AMZ1: variants seen among roughly 807,000 people sequenced by gnomAD.
The protein encoded by AMZ1 is archaemetzincin-1.
AMZ1 carries 39 observed loss-of-function variants against 29.9 expected under a neutral mutation model. That is an observed-to-expected ratio of 1.30 (90% CI 1.01 to 1.70). AMZ1 has a LOEUF of 1.70. Among genes scored for constraint, AMZ1 ranks in the 40% most tolerant of loss-of-function variants. AMZ1 has a pLI of 0.00. For synonymous variants in AMZ1, 458 were observed against 304.0 expected (o/e 1.51, Z -5.27); for missense variants, 1,041 against 680.6 (o/e 1.53, Z -5.89).
rs1166750331 is a variant in AMZ1, at chr7:2,731,596, C to T, written n.550+21780C>T. ...GACCATGAACAGGATGGACGTGATCCCGTCGAAGCACTGGAACCACTTCTG... is the reference window on the plus strand; with the variant it reads ...GACCATGAACAGGATGGACGTGATCTCGTCGAAGCACTGGAACCACTTCTG... On this transcript the variant is annotated intron_variant and non_coding_transcript_variant, in intron 4 of 4. Coordinates refer to the AMZ1 transcript ENST00000489665. The surrounding 1 kb of genome is among the most constrained non-coding windows in gnomAD (Gnocchi z 6.0). 6.2e-7 allele frequency: 1 copy of T among 1,613,752 alleles called. No homozygotes were observed. Among genetic ancestry groups the T allele is most frequent in the Non-Finnish European group, 8.5e-7 (1 of 1,179,822 alleles).
intron 4 of AMZ1, among the ~76,000 whole-genome samples, chr7:2,738,666 C>CT (rs1307418030): frequency 6.6e-6 from 1 of 151,878 alleles, no homozygotes; most frequent in Admixed American, 6.6e-5. Flanking sequence ...GTAGCCCTCT[C>CT]TGAGTATGTC....
intron 1 of AMZ1, among the ~76,000 whole-genome samples, chr7:2,680,828 C>G (rs963841696): frequency 6.6e-6 from 1 of 152,246 alleles, no homozygotes; most frequent in Non-Finnish European, 1.5e-5. Flanking sequence ...GCCTCCCTGA[C>G]GACCCTGCTG....
In AMZ1 at chr7:2,690,825, C is replaced by G. The variant is rs536740073; in HGVS notation, c.-219+2529C>G. Among the ~76,000 whole-genome samples, 4 of 152,156 alleles carry G rather than the reference C, an allele frequency of 2.6e-5. No individual in the cohort carries two copies. In the South Asian group the frequency reaches 6.2e-4, roughly 24 times the overall value. On this transcript the variant is annotated intron_variant, in intron 1 of 6. Transcript: ENST00000683327. The stretch of plus-strand genomic sequence containing the variant: ...CACACCTGGAACCAATGTGGTAGGG[C>G]TTGTGAACTTTTGGTAAAAAGAAGG...
At chr7:2,745,438 G>C (rs1052120970) in intron 4 of AMZ1, among the ~76,000 whole-genome samples, 1 of 152,178 alleles carries the variant, frequency 6.6e-6, no homozygotes, top group Admixed American at 6.5e-5. Flanking sequence ...AAGTGAAGGA[G>C]AAATAAAATA....
intron 4 of AMZ1, among the ~76,000 whole-genome samples, chr7:2,727,098 T>C (rs1159791684): frequency 1.3e-5 from 2 of 152,228 alleles, no homozygotes; most frequent in African/African-American, 4.8e-5. Context: ...ATTTACTTTT[T>C]TGGAGACAGA....
At chr7:2,742,083 G>A (rs759712984) in intron 4 of AMZ1, among the ~76,000 whole-genome samples, 1 of 151,746 alleles carries the variant, frequency 6.6e-6, no homozygotes, top group Admixed American at 6.6e-5. Flanking sequence ...GTGCAGTGGG[G>A]CGATCTCAGC....
rs938069239 is a variant in AMZ1, at chr7:2,717,139, G to A, written c.*4261G>A. Among the ~76,000 whole-genome samples, 5 of 152,206 alleles carry A rather than the reference G, an allele frequency of 3.3e-5. No homozygotes were observed. The highest frequency in any genetic ancestry group is 2.6e-4 in the Admixed American group (4 of 15,286). On this transcript the variant is annotated 3_prime_UTR_variant, in exon 7 of 7. Coordinates refer to ENST00000683327, the MANE Select transcript of AMZ1 (RefSeq NM_001384743.1). ...CCCGTGCAGCTCCTTCGGACTCTGA[G>A]GAGAGGCCTGGGTGGGTGGCCGGCA...
Position 2,709,205 on chromosome 7 carries a change from C to G in AMZ1, c.732C>G (p.Ala244=), listed in dbSNP as rs1788582593. The change falls in exon 5 of 7, where the codon GCC becomes GCG. Residue 244 remains alanine (A), a synonymous_variant. Transcript: ENST00000683327. ...PEAPLQDRGW[A]LCFSALGMVQ... ...CCCCCCTGCAGGACAGGGGCTGGGC[C>G]CTGTGCTTCAGTGCCCTGGGGATGG... The G allele has an allele frequency of 2.0e-6, 3 of 1,515,858 alleles. No homozygotes were observed. In the South Asian group the frequency reaches 4.0e-5, roughly 20 times the overall value. The allele number at this position is 1,515,858 out of a possible 1,614,324, so 93.9% of individuals were successfully genotyped here.
At chr7:2,689,194 G>A (rs778248318) in intron 1 of AMZ1, among the ~76,000 whole-genome samples, 1 of 152,222 alleles carries the variant, frequency 6.6e-6, no homozygotes, top group African/African-American at 2.4e-5. Context: ...TTTGCAAAGC[G>A]CATTCAGAAT....
At position 2,731,476 on chromosome 7, in the gene AMZ1, T is replaced by G; in HGVS notation, n.550+21660T>G. On this transcript the variant is annotated intron_variant and non_coding_transcript_variant, in intron 4 of 4. Coordinates refer to the AMZ1 transcript ENST00000489665. The surrounding 1 kb of genome is among the most constrained non-coding windows in gnomAD (Gnocchi z 6.0). The stretch of plus-strand genomic sequence containing the variant: ...AATGATGGAGACGTTGAAGAAGAGC[T>G]TGTTGTTGACGATGGTCTCGAAGAT... 6 of 1,613,844 alleles carry G rather than the reference T, an allele frequency of 3.7e-6. No individual in the cohort carries two copies. The highest frequency in any genetic ancestry group is 5.1e-6 in the Non-Finnish European group (6 of 1,179,886).
At chr7:2,729,505 G>C (rs1008718370) in intron 4 of AMZ1, 12 of 152,404 alleles carry the variant, frequency 7.9e-5, no homozygotes, top group African/African-American at 2.9e-4. Context: ...GCGAGAGAGA[G>C]TTCCATGCTG....
upstream of AMZ1, chr7:2,762,829 C>A: frequency 6.6e-7 from 1 of 1,508,062 alleles, no homozygotes; most frequent in Non-Finnish European, 8.9e-7. Context: ...CGCCACACAC[C>A]CAGTCAGCGC....
chr7:2,690,438 C>G (rs988010015), intron 1 of AMZ1, among the ~76,000 whole-genome samples: 1 of 152,190 alleles, frequency 6.6e-6, no homozygotes. Context: ...CCAGGCTGGT[C>G]TCAAACTCCT....
intron 1 of AMZ1, among the ~76,000 whole-genome samples, chr7:2,698,815 G>C (rs542970241): frequency 6.6e-6 from 1 of 152,252 alleles, no homozygotes; most frequent in South Asian, 2.1e-4. Context: ...CAGCCTGGAC[G>C]AAACAGCGAG....
At chr7:2,725,085 G>C (rs1489630722) in intron 4 of AMZ1, among the ~76,000 whole-genome samples, 3 of 152,210 alleles carry the variant, frequency 2.0e-5, no homozygotes, top group Admixed American at 6.5e-5. Context: ...CACTTCTAGG[G>C]ACCTCCTGTT....
intron 2 of AMZ1, 130 bp downstream of exon 2, chr7:2,700,885 GC>G: frequency 7.8e-7 from 1 of 1,283,082 alleles, no homozygotes; most frequent in Non-Finnish European, 1.1e-6. Flanking sequence ...TGTATGGGAT[GC>G]CAGGGTGGAG....
intron 4 of AMZ1, among the ~76,000 whole-genome samples, chr7:2,756,605 T>TCAAA (rs139218513): frequency 0.13 from 19,772 of 151,364 alleles, 1,364 homozygotes; most frequent in Middle Eastern, 0.19. Flanking sequence ...AGACCCTGTC[T>TCAAA]CAAACAAACA....
chr7:2,694,299 C>G (rs539360359), intron 1 of AMZ1, among the ~76,000 whole-genome samples: 1 of 152,188 alleles, frequency 6.6e-6, no homozygotes, highest in East Asian at 1.9e-4. Context: ...CCTCTCTTGC[C>G]CCGGGACTGG....
intron 1 of AMZ1, among the ~76,000 whole-genome samples, chr7:2,692,054 A>G (rs906863624): frequency 2.0e-5 from 3 of 152,174 alleles, no homozygotes; most frequent in African/African-American, 7.2e-5. Flanking sequence ...AAGGTCTGGG[A>G]GCGAGAAGCC....
Sources: allele counts gnomAD v4.1 joint callset (sites outside exome capture counted in the v4.1 genomes callset), GRCh38; gene constraint gnomAD v4.1.1; non-coding constraint Gnocchi (gnomAD v3.1); transcripts MANE v1.5; gene names NCBI Gene and HGNC (gene_info 2026-07-23, HGNC 2026-07-21).